The following CTNNA3 variants were observed in gnomAD, a reference collection of about 807,000 sequenced individuals.
CTNNA3 encodes catenin alpha-3.
In CTNNA3, 76 loss-of-function variants were observed where a neutral mutation model predicts 95.7. That is an observed-to-expected ratio of 0.79 (90% confidence interval 0.66 to 0.96). The LOEUF (loss-of-function observed/expected upper bound fraction) is 0.96, where lower values mean the gene tolerates loss of function less well. CTNNA3 is among the 40% of genes least tolerant of loss of function. The pLI is 0.00. For missense variants in CTNNA3, 1,191 were observed against 1,089.8 expected, an observed-to-expected ratio of 1.09 and a Z score of -1.31; for synonymous variants, 431 against 374.4, an observed-to-expected ratio of 1.15 and a Z score of -1.74.
intron 10 of CTNNA3, among the ~76,000 whole-genome samples, chr10:66,616,831 T>G (rs1399195126): frequency 1.3e-5 from 2 of 152,004 alleles, no homozygotes; most frequent in Non-Finnish European, 2.9e-5. Flanking sequence ...CATAAAATAG[T>G]CACTGTAAAG....
chr10:66,277,677 T>C (rs1025641870), intron 13 of CTNNA3, among the ~76,000 whole-genome samples: 21 of 152,100 alleles, frequency 1.4e-4, no homozygotes, highest in African/African-American at 5.1e-4. Flanking sequence ...AGAAGTCGTG[T>C]AGAGGTTCCC....
At chr10:66,314,429 T>A (rs542527284) in intron 12 of CTNNA3, among the ~76,000 whole-genome samples, 20 of 150,654 alleles carry the variant, frequency 1.3e-4, no homozygotes, top group African/African-American at 4.8e-4. Flanking sequence ...GGAAAACATC[T>A]GTGTGATTAT....
At chr10:66,239,249 T>C (rs2089997849) in intron 13 of CTNNA3, among the ~76,000 whole-genome samples, 1 of 151,728 alleles carries the variant, frequency 6.6e-6, no homozygotes, top group African/African-American at 2.4e-5. Context: ...ATTTTAATGC[T>C]AAAATATAAT....
intron 13 of CTNNA3, among the ~76,000 whole-genome samples, chr10:66,152,856 T>C (rs1344883165): frequency 1.3e-5 from 2 of 152,006 alleles, no homozygotes; most frequent in African/African-American, 4.8e-5. Context: ...TCCAGGAATG[T>C]GTAAATAATT....
chr10:67,191,670 T>C (rs939172955), intron 6 of CTNNA3, among the ~76,000 whole-genome samples: 1 of 151,828 alleles, frequency 6.6e-6, no homozygotes, highest in African/African-American at 2.4e-5. Context: ...AATGTCTATA[T>C]TACCCAAAGT....
chr10:66,167,024 C>T (rs1329625716), intron 13 of CTNNA3, among the ~76,000 whole-genome samples: 1 of 151,952 alleles, frequency 6.6e-6, no homozygotes, highest in African/African-American at 2.4e-5. Flanking sequence ...TAAGGCAGAG[C>T]AATTTAGACT....
rs1840452965 is a variant in CTNNA3, at chr10:67,672,331, T to C, written c.-6+23669A>G. Among the ~76,000 whole-genome samples the C allele has an allele frequency of 3.9e-5, 6 of 152,348 alleles. No homozygotes were observed. In the South Asian group the frequency reaches 1.2e-3, roughly 32 times the overall value. On this transcript the variant is annotated intron_variant, in intron 1 of 17. Transcript: ENST00000433211. ...GGTTGCCTGTTCACTCTGATGGTAGTTTCTTCTGCTGTGCAGAAGCTCTTG... is the reference window on the plus strand; with the variant it reads ...GGTTGCCTGTTCACTCTGATGGTAGCTTCTTCTGCTGTGCAGAAGCTCTTG...
intron 9 of CTNNA3, among the ~76,000 whole-genome samples, chr10:66,685,287 A>G (rs1171830268): frequency 3.2e-5 from 2 of 62,158 alleles, no homozygotes; most frequent in Admixed American, 2.8e-4. Flanking sequence ...ATATATAAGT[A>G]TATATATGTG....
intron 4 of CTNNA3, among the ~76,000 whole-genome samples, chr10:67,525,428 A>G (rs562013096): frequency 6.6e-6 from 1 of 152,360 alleles, no homozygotes; most frequent in African/African-American, 2.4e-5. Flanking sequence ...AAAATAGCTG[A>G]CAAATTATTT....
rs557801548 is a variant in CTNNA3, at chr10:65,916,621, A to G, written c.*3709T>C. 1 of 152,316 alleles carries G rather than the reference A, an allele frequency of 6.6e-6. No homozygotes were observed. Among genetic ancestry groups the G allele is most frequent in the East Asian group, 1.9e-4 (1 of 5,196 alleles). 9.4% of individuals were successfully genotyped at this position (152,316 alleles called of 1,614,324 possible). A position where few individuals can be genotyped will look rare whatever the true frequency, so the allele number is the denominator to read the frequency against. On this transcript the variant is annotated 3_prime_UTR_variant, in exon 18 of 18. Coordinates refer to ENST00000433211, the MANE Select transcript of CTNNA3 (RefSeq NM_013266.4). ...TAAAGGAATAATGTTGCTGGAAATT[A>G]AAATTCATAATTTTGACTAAAACTC...
At chr10:66,732,500 G>A (rs556014772) in intron 9 of CTNNA3, among the ~76,000 whole-genome samples, 36 of 152,264 alleles carry the variant, frequency 2.4e-4, no homozygotes, top group African/African-American at 8.4e-4. Flanking sequence ...GCATGGCTGA[G>A]GAGGCCTAGA....
At chr10:67,176,620 G>A (rs1488374511) in intron 7 of CTNNA3, among the ~76,000 whole-genome samples, 6 of 152,216 alleles carry the variant, frequency 3.9e-5, no homozygotes, top group African/African-American at 1.2e-4. Context: ...CTATGAATAT[G>A]TTACCTGACA....
chr10:66,867,541 A>C (rs1201777251), intron 7 of CTNNA3, among the ~76,000 whole-genome samples: 1 of 152,150 alleles, frequency 6.6e-6, no homozygotes, highest in Non-Finnish European at 1.5e-5. Context: ...ATGGAGTGTA[A>C]CTTTGGCTTC....
At chr10:67,236,515 G>GT (rs1865464440) in intron 5 of CTNNA3, among the ~76,000 whole-genome samples, 1 of 145,320 alleles carries the variant, frequency 6.9e-6, no homozygotes, top group African/African-American at 2.6e-5. Context: ...CTGTTGTGGG[G>GT]TGGGGGGGGT....
At chr10:67,472,308 C>A (rs1817023998) in intron 5 of CTNNA3, among the ~76,000 whole-genome samples, 1 of 152,168 alleles carries the variant, frequency 6.6e-6, no homozygotes, top group African/African-American at 2.4e-5. Context: ...CATTTCCCCT[C>A]TTATCTGTTC....
At position 67,694,045 on chromosome 10, in the gene CTNNA3, C is replaced by T. The variant is rs542453048; in HGVS notation, c.-6+1955G>A. ...ACAATAAGTAAAGAATTTATTCTTC[C>T]TATTCCTATTTCTTTGTCACAGTTG... is the stretch of plus-strand genomic sequence containing the variant. On this transcript the variant is annotated intron_variant, in intron 1 of 17. Coordinates refer to ENST00000433211, the MANE Select transcript of CTNNA3 (RefSeq NM_013266.4). Among the ~76,000 whole-genome samples, 12 of 152,284 alleles carry T rather than the reference C, an allele frequency of 7.9e-5. No individual in the cohort carries two copies. In the South Asian group the frequency reaches 2.5e-3, roughly 32 times the overall value.
chr10:67,481,790 T>A (rs1848241730), intron 5 of CTNNA3, among the ~76,000 whole-genome samples: 1 of 152,218 alleles, frequency 6.6e-6, no homozygotes, highest in African/African-American at 2.4e-5. Context: ...TTGTTGTCAT[T>A]GCTTTTGGTG....
At chr10:66,587,719 G>T (rs1843408000) in intron 10 of CTNNA3, among the ~76,000 whole-genome samples, 1 of 152,158 alleles carries the variant, frequency 6.6e-6, no homozygotes, top group South Asian at 2.1e-4. Context: ...ACTTGGCAAG[G>T]CATGTATCCC....
At chr10:67,567,483 G>A (rs1018480169) in intron 3 of CTNNA3, among the ~76,000 whole-genome samples, 6 of 152,124 alleles carry the variant, frequency 3.9e-5, no homozygotes, top group Middle Eastern at 3.4e-3. Context: ...TGGTTAATGC[G>A]TACAATGTAC....
Sources: gnomAD v4.1 joint callset for allele counts (sites outside exome capture counted in the v4.1 genomes callset) on GRCh38, gnomAD v4.1.1 for gene constraint, MANE v1.5 for transcripts, NCBI Gene and HGNC (gene_info 2026-07-23, HGNC 2026-07-21) for gene names.